ASCC3: variants seen among roughly 807,000 people sequenced by gnomAD.
ASCC3 encodes the protein activating signal cointegrator 1 complex subunit 3.
A neutral mutation model predicts 256.3 loss-of-function variants in ASCC3; 158 were observed. That is an observed-to-expected ratio of 0.62 (90% CI 0.54 to 0.70). The LOEUF is 0.70. ASCC3 is among the 30% of genes least tolerant of loss of function. ASCC3 has a pLI of 0.00. For synonymous variants in ASCC3, 948 were observed against 883.4 expected, an observed-to-expected ratio of 1.07 and a Z score of -1.30; for missense variants, 2,259 against 2,626.0, an observed-to-expected ratio of 0.86 and a Z score of 3.05.
intron 30 of ASCC3, among the ~76,000 whole-genome samples, chr6:100,608,069 T>TACATATATATATATATATATCTATATAC (rs1773008709): frequency 1.1e-5 from 1 of 92,194 alleles, no homozygotes; most frequent in African/African-American, 3.9e-5. Context: ...CACATATATA[T>TACATATATATATATATATATCTATATAC]ACATATATAT....
chr6:100,627,411 A>C (rs1453723381), intron 29 of ASCC3, among the ~76,000 whole-genome samples, 179 bp downstream of exon 29: 74 of 152,142 alleles, frequency 4.9e-4, no homozygotes, highest in Admixed American at 4.8e-3. Context: ...AATCGCTCCA[A>C]TCTTCACTAG....
chr6:100,797,580 A>T (rs1323607064), intron 8 of ASCC3, among the ~76,000 whole-genome samples: 1 of 151,958 alleles, frequency 6.6e-6, no homozygotes, highest in Non-Finnish European at 1.5e-5. Context: ...GTTTATAACA[A>T]TTGTATTATA....
chr6:100,606,853 A>G lies in ASCC3; in HGVS notation c.4931T>C (p.Ile1644Thr), dbSNP rs1279132551. Reference protein sequence around the residue: ...LFVNCKVQVLIATSTLAWGVN... With the variant: ...LFVNCKVQVLTATSTLAWGVN... Reference sequence around the variant, plus strand: ...ACCCCAGGCTAATGTGCTTGTAGCAATAAGAACCTAAAAAGCAAAATAAAA... The same window carrying G: ...ACCCCAGGCTAATGTGCTTGTAGCAGTAAGAACCTAAAAAGCAAAATAAAA... The change falls in exon 32 of 42, where the codon ATT becomes ACT. Residue 1644 changes from isoleucine to threonine, a missense_variant. Physicochemically the swap from Ile to Thr is moderately conservative, Grantham distance 89. Around this residue, in one of 2 missense-constraint regions of ASCC3, gnomAD observed 1,839 missense variants for 2,206.7 expected, o/e 0.83. Coordinates refer to ENST00000369162, the MANE Select transcript of ASCC3 (RefSeq NM_006828.4). The G allele has an allele frequency of 1.9e-6, 3 of 1,611,486 alleles. No individual in the cohort carries two copies. The highest frequency in any genetic ancestry group is 1.7e-5 in the Admixed American group (1 of 59,870).
intron 36 of ASCC3, among the ~76,000 whole-genome samples, chr6:100,569,170 A>C (rs1484308708): frequency 1.3e-5 from 2 of 152,158 alleles, no homozygotes; most frequent in African/African-American, 4.8e-5. Flanking sequence ...GGTGAAAGGT[A>C]GGAGTCCAGT....
intron 18 of ASCC3, 119 bp from the exon 19 acceptor site, chr6:100,651,765 A>G (rs561188402): frequency 5.2e-6 from 2 of 381,250 alleles, no homozygotes; most frequent in South Asian, 1.1e-4. Context: ...GTGCAGTTAT[A>G]ATGTCTGTGT....
intron 36 of ASCC3, among the ~76,000 whole-genome samples, chr6:100,569,943 T>A (rs959158363): frequency 1.3e-5 from 2 of 152,180 alleles, no homozygotes; most frequent in Non-Finnish European, 2.9e-5. Flanking sequence ...TTGTTTGTGT[T>A]ATCTATGTTA....
chr6:100,587,262 T>TA lies in ASCC3; in HGVS notation c.5550+2371dup, dbSNP rs577008369. Reference sequence around the variant, plus strand: ...TTTTTGGAGGCAAGAGTAGGGAGGATACTGAGTTCTTTGAGTCATTTGGTA... The same window carrying TA: ...TTTTTGGAGGCAAGAGTAGGGAGGATAACTGAGTTCTTTGAGTCATTTGGTA... On this transcript the variant is annotated intron_variant, in intron 36 of 41. Transcript: ENST00000369162. Among the ~76,000 whole-genome samples, 221 of 151,720 alleles carry TA rather than the reference T, an allele frequency of 1.5e-3. 3 individuals carry two copies. Among genetic ancestry groups the TA allele is most frequent in the African/African-American group, 5.1e-3 (211 of 41,322 alleles).
chr6:100,517,858 T>G, intron 38 of ASCC3, 133 bp downstream of exon 38: 1 of 1,025,438 alleles, frequency 9.8e-7, no homozygotes. Flanking sequence ...CATGTCTCAC[T>G]CTGGGAAACA....
intron 36 of ASCC3, among the ~76,000 whole-genome samples, chr6:100,548,030 G>T (rs905139994): frequency 1.3e-5 from 2 of 149,226 alleles, no homozygotes; most frequent in African/African-American, 4.9e-5. Flanking sequence ...TTGAGTCAAA[G>T]AAGCCAGACC....
At chr6:100,553,420 G>A (rs2114689101) in intron 36 of ASCC3, among the ~76,000 whole-genome samples, 1 of 152,202 alleles carries the variant, frequency 6.6e-6, no homozygotes, top group Middle Eastern at 3.4e-3. Context: ...GAAATTGAAA[G>A]TGGGTAGTGA....
intron 24 of ASCC3, among the ~76,000 whole-genome samples, chr6:100,641,907 G>T (rs1453272897): frequency 6.6e-6 from 1 of 151,260 alleles, no homozygotes; most frequent in Non-Finnish European, 1.5e-5. Context: ...GTAAACTATC[G>T]CAAGGACAAA....
rs1446541572 is a variant in ASCC3, at chr6:100,638,634, A to C, written c.4089T>G (p.Ile1363Met). 1 of 1,613,882 alleles carries C rather than the reference A, an allele frequency of 6.2e-7. No homozygotes were observed. The highest frequency in any genetic ancestry group is 1.3e-5 in the African/African-American group (1 of 75,024). Residue 1363 changes from isoleucine (I) to methionine (M), a missense_variant, in exon 25 of 42, where the codon ATT becomes ATG. Around this residue, in one of 2 missense-constraint regions of ASCC3, gnomAD observed 1,839 missense variants for 2,206.7 expected, o/e 0.83. Coordinates refer to ENST00000369162, the MANE Select transcript of ASCC3 (RefSeq NM_006828.4). Reference protein sequence around the residue: ...SGKTVAAELAIFRVFNKYPTS... With the variant: ...SGKTVAAELAMFRVFNKYPTS... ...TAGGGTATTTGTTGAAGACTCTGAA[A>C]ATGGCTAATTCAGCTGCAACAGTCT...
intron 36 of ASCC3, among the ~76,000 whole-genome samples, chr6:100,579,160 T>G (rs1771049206): frequency 6.6e-6 from 1 of 151,620 alleles, no homozygotes; most frequent in African/African-American, 2.4e-5. Context: ...TTCATCTCCT[T>G]TGCCCACTTT....
intron 10 of ASCC3, among the ~76,000 whole-genome samples, chr6:100,735,011 T>G (rs895399592): frequency 1.3e-5 from 2 of 152,140 alleles, no homozygotes; most frequent in Admixed American, 6.6e-5. Context: ...AAGTCTACTT[T>G]AAACAACCTA....
chr6:100,601,497 T>G (rs908156662), intron 34 of ASCC3, among the ~76,000 whole-genome samples: 22 of 152,100 alleles, frequency 1.4e-4, no homozygotes, highest in Admixed American at 1.2e-3. Context: ...TCCAACTGCA[T>G]CTAAGTCAGT....
chr6:100,762,898 A>G (rs915525965), intron 10 of ASCC3, among the ~76,000 whole-genome samples: 2 of 152,214 alleles, frequency 1.3e-5, no homozygotes, highest in African/African-American at 4.8e-5. Flanking sequence ...TTGCCTTCCT[A>G]TATTTAAAAA....
intron 13 of ASCC3, among the ~76,000 whole-genome samples, chr6:100,689,714 A>C (rs1318242915): frequency 2.6e-5 from 4 of 152,190 alleles, no homozygotes; most frequent in African/African-American, 9.6e-5. Context: ...CCTTTATTAA[A>C]ATATGAGGTA....
chr6:100,628,970 CAAAGTT>C, intron 27 of ASCC3, 39 bp downstream of exon 27: 1 of 1,562,198 alleles, frequency 6.4e-7, no homozygotes, highest in South Asian at 1.2e-5. Flanking sequence ...TAATATTTTA[CAAAGTT>C]AAAGTTTGTA....
At chr6:100,786,458 TTTAAA>T (rs1178737434) in intron 8 of ASCC3, among the ~76,000 whole-genome samples, 69 of 152,272 alleles carry the variant, frequency 4.5e-4, no homozygotes, top group African/African-American at 1.6e-3. Flanking sequence ...CTATAACAAA[TTTAAA>T]TTAAATAATT....
Sources: allele counts gnomAD v4.1 joint callset (sites outside exome capture counted in the v4.1 genomes callset), GRCh38; gene constraint gnomAD v4.1.1; regional missense constraint gnomAD v4.1.1; transcripts MANE v1.5; gene names NCBI Gene and HGNC (gene_info 2026-07-23, HGNC 2026-07-21).